Variants in SMURF1 observed in about 807,000 individuals in gnomAD.
The protein encoded by SMURF1 is SMAD specific E3 ubiquitin protein ligase 1.
In SMURF1, 44 loss-of-function variants were observed where a neutral mutation model predicts 98.0. The ratio of observed to expected loss-of-function variants is 0.45; its 90% CI spans 0.35 to 0.58. SMURF1 has a LOEUF of 0.58. Ranked by LOEUF, SMURF1 falls within the 20% of genes least tolerant of loss-of-function variation. The pLI is 0.00. For missense variants in SMURF1, 687 were observed against 938.4 expected, an observed-to-expected ratio of 0.73 and a Z score of 3.50; for synonymous variants, 396 against 374.9, an observed-to-expected ratio of 1.06 and a Z score of -0.65.
chr7:99,057,967 G>T (rs1298948968), intron 3 of SMURF1, among the ~76,000 whole-genome samples: 1 of 151,952 alleles, frequency 6.6e-6, no homozygotes, highest in East Asian at 1.9e-4. Flanking sequence ...AAATAATGTT[G>T]CCTCTGTATT....
At chr7:99,131,335 C>T (rs1232709386) in intron 1 of SMURF1, among the ~76,000 whole-genome samples, 1 of 152,008 alleles carries the variant, frequency 6.6e-6, no homozygotes, top group African/African-American at 2.4e-5. Flanking sequence ...AATGAATACC[C>T]TCCTCACCCG....
rs1337106873 is a variant in SMURF1 at position 99,063,209 on chromosome 7, A to G, written c.56-1372T>C. 1.6e-5 allele frequency among the ~76,000 whole-genome samples: 2 copies of G among 123,656 alleles called. 1 individual carries two copies. The highest frequency in any genetic ancestry group is 3.3e-5 in the Non-Finnish European group (2 of 60,536). The allele number at this position is 123,656 out of a possible 152,430, so 81.1% of individuals were successfully genotyped here. A position where few individuals can be genotyped will look rare whatever the true frequency, so the allele number is the denominator to read the frequency against. ...TTTATCAAGATATATATATTTATATAGTCAAGATATATATATATATATAAG... is the reference window on the plus strand; with the variant it reads ...TTTATCAAGATATATATATTTATATGGTCAAGATATATATATATATATAAG... On this transcript the variant is annotated intron_variant, in intron 1 of 17. Coordinates refer to ENST00000361368, the MANE Select transcript of SMURF1 (RefSeq NM_181349.3).
At chr7:99,046,411 G>A (rs1341693944) in intron 10 of SMURF1, among the ~76,000 whole-genome samples, 3 of 152,094 alleles carry the variant, frequency 2.0e-5, no homozygotes, top group Non-Finnish European at 2.9e-5. Flanking sequence ...AATTTTTCGT[G>A]CTTTAAATTT....
Position 99,045,792 on chromosome 7 carries a change from G to T in SMURF1, c.1162C>A (p.Arg388Ser). ...SREEIFEESY[R>S]QIMKMRPKDL... ...TTCGGTCGCATCTTCATTATCTGGC[G>T]GTAAGACTCCTGAAGAGCAACATCA... Residue 388 changes from arginine to serine, a missense_variant, in exon 11 of 18, where the codon CGC becomes AGC. Arg to Ser is a moderately radical substitution (Grantham distance 110). Coordinates refer to ENST00000361368, the MANE Select transcript of SMURF1 (RefSeq NM_181349.3). 1 of 1,612,862 alleles carries T rather than the reference G, an allele frequency of 6.2e-7. No homozygotes were observed.
intron 13 of SMURF1, among the ~76,000 whole-genome samples, chr7:99,039,511 T>A (rs993231182): frequency 1.3e-5 from 2 of 152,112 alleles, no homozygotes; most frequent in East Asian, 1.9e-4. Flanking sequence ...CCTGGCTTTT[T>A]AAAATTTTTT....
chr7:99,047,973 C>T, intron 9 of SMURF1, 91 bp from the exon 10 acceptor site: 1 of 1,172,708 alleles, frequency 8.5e-7, no homozygotes, highest in South Asian at 1.3e-5. Flanking sequence ...GAGGAGAGAG[C>T]TAGCTGCACA....
At chr7:99,136,146 G>A (rs1797989076) in intron 1 of SMURF1, among the ~76,000 whole-genome samples, 1 of 152,170 alleles carries the variant, frequency 6.6e-6, no homozygotes, top group Non-Finnish European at 1.5e-5. Flanking sequence ...CTATGATCAC[G>A]CCAGTGTACT....
At chr7:99,033,172 C>T in intron 16 of SMURF1, 51 bp from the exon 17 acceptor site, 1 of 1,534,236 alleles carries the variant, frequency 6.5e-7, no homozygotes, top group Non-Finnish European at 8.8e-7. Context: ...AGCCGTGGCG[C>T]TTCCCGGCCA....
At chr7:99,072,911 G>A (rs1796359930) in intron 1 of SMURF1, among the ~76,000 whole-genome samples, 1 of 152,096 alleles carries the variant, frequency 6.6e-6, no homozygotes, top group Admixed American at 6.5e-5. Flanking sequence ...ATAAATCAGG[G>A]TAAAATAATT....
In SMURF1 at chr7:99,060,778, C is replaced by A. The variant is rs977632469; in HGVS notation, c.95-71G>T. 7.2e-6 allele frequency: 7 copies of A among 970,780 alleles called. No homozygotes were observed. In the African/African-American group the frequency reaches 1.1e-4, roughly 16 times the overall value. 60.1% of individuals were successfully genotyped at this position (970,780 alleles called of 1,614,324 possible). ...TCCATGTGACACAGAACACACAATTCGTGTTCTCTAATTTCAGGATAATTT... is the reference window on the plus strand; with the variant it reads ...TCCATGTGACACAGAACACACAATTAGTGTTCTCTAATTTCAGGATAATTT... On this transcript the variant is annotated intron_variant, in intron 2 of 17. Transcript: ENST00000361368.
At chr7:99,072,123 T>G (rs1186624440) in intron 1 of SMURF1, among the ~76,000 whole-genome samples, 1 of 151,928 alleles carries the variant, frequency 6.6e-6, no homozygotes, top group East Asian at 1.9e-4. Context: ...AAAAAAAAAG[T>G]AATCATAAGT....
intron 1 of SMURF1, among the ~76,000 whole-genome samples, chr7:99,079,747 G>C (rs1796541981): frequency 1.3e-5 from 2 of 152,044 alleles, no homozygotes; most frequent in South Asian, 4.1e-4. Flanking sequence ...TTGGATTAAA[G>C]AGAAAGTCAA....
At chr7:99,049,862 C>T in intron 8 of SMURF1, 153 bp from the exon 9 acceptor site, 1 of 677,336 alleles carries the variant, frequency 1.5e-6, no homozygotes, top group Non-Finnish European at 2.4e-6. Flanking sequence ...TACGCCAAAC[C>T]TCTACTCAGT....
At chr7:99,061,226 T>C (rs1405225284) in intron 2 of SMURF1, among the ~76,000 whole-genome samples, 1 of 152,188 alleles carries the variant, frequency 6.6e-6, no homozygotes, top group African/African-American at 2.4e-5. Flanking sequence ...CTAAGTTTCT[T>C]CATCTTGAAA....
intron 1 of SMURF1, among the ~76,000 whole-genome samples, chr7:99,078,207 C>T (rs1358046020): frequency 1.3e-5 from 2 of 149,656 alleles, no homozygotes; most frequent in Admixed American, 6.7e-5. Flanking sequence ...GAGGCTGAGG[C>T]AGGAGAATCA....
At chr7:99,062,549 C>A (rs1796056967) in intron 1 of SMURF1, among the ~76,000 whole-genome samples, 2 of 152,074 alleles carry the variant, frequency 1.3e-5, no homozygotes, top group Non-Finnish European at 2.9e-5. Context: ...ATAAAATGCA[C>A]GTTAAGAACT....
intron 1 of SMURF1, among the ~76,000 whole-genome samples, chr7:99,109,028 A>G (rs1158205334): frequency 6.6e-6 from 1 of 152,154 alleles, no homozygotes; most frequent in Admixed American, 6.5e-5. Context: ...CTACTCTGCT[A>G]TACTCTCTCT....
At chr7:99,037,269 ACT>A (rs1795181554) in intron 14 of SMURF1, 82 bp from the exon 15 acceptor site, 5 of 1,568,772 alleles carry the variant, frequency 3.2e-6, no homozygotes, top group South Asian at 1.1e-5. Context: ...ACAGGGTCTC[ACT>A]CTGTCACCCA....
At chr7:99,135,671 G>A (rs1481059647) in intron 1 of SMURF1, among the ~76,000 whole-genome samples, 1 of 152,204 alleles carries the variant, frequency 6.6e-6, no homozygotes, top group African/African-American at 2.4e-5. Context: ...ATTGATTTCA[G>A]TCTTTTATAA....
Sources: gnomAD v4.1 joint callset for allele counts (sites outside exome capture counted in the v4.1 genomes callset) on GRCh38, gnomAD v4.1.1 for gene constraint, MANE v1.5 for transcripts, NCBI Gene and HGNC (gene_info 2026-07-23, HGNC 2026-07-21) for gene names.